CCDC134: variants seen among roughly 807,000 people sequenced by gnomAD.
The protein encoded by CCDC134 is coiled-coil domain-containing protein 134.
Under a neutral mutation model 25.6 loss-of-function variants are expected in CCDC134, and 27 were observed. That is an observed-to-expected ratio of 1.05 (90% CI 0.78 to 1.45). The LOEUF (loss-of-function observed/expected upper bound fraction) is 1.45, where lower values mean the gene tolerates loss of function less well. Among genes scored for constraint, CCDC134 ranks in the 40% most tolerant of loss-of-function variants. The probability of loss-of-function intolerance (pLI) is 0.00; values close to 1 mark genes in which losing one functional copy is unlikely to be tolerated. For missense variants in CCDC134, 261 were observed against 286.7 expected (o/e 0.91, Z 0.65); for synonymous variants, 110 against 115.0 (o/e 0.96, Z 0.28).
At chr22:41,804,864 G>A (rs183250512) in intron 1 of CCDC134, among the ~76,000 whole-genome samples, 1 of 152,332 alleles carries the variant, frequency 6.6e-6, no homozygotes, top group Non-Finnish European at 1.5e-5. Flanking sequence ...AAGGCCAGGA[G>A]TTCGAGACCA....
chr22:41,821,357 A>G (rs1023051291), intron 6 of CCDC134, among the ~76,000 whole-genome samples: 9 of 151,440 alleles, frequency 5.9e-5, no homozygotes, highest in African/African-American at 2.2e-4. Flanking sequence ...TTTAGGGTAC[A>G]TGTGCACAAT....
intron 6 of CCDC134, among the ~76,000 whole-genome samples, chr22:41,815,248 C>G (rs2076617475): frequency 6.7e-6 from 1 of 150,104 alleles, no homozygotes; most frequent in Non-Finnish European, 1.5e-5. Context: ...TTCTGTCGCC[C>G]AGGCTGGAGT....
In CCDC134 at chr22:41,810,222, C is replaced by T. The variant is rs147483140; in HGVS notation, c.241C>T (p.Arg81Trp). The T allele has an allele frequency of 7.6e-5, 122 of 1,613,896 alleles. No homozygotes were observed. The highest frequency in any genetic ancestry group is 9.2e-5 in the Non-Finnish European group (109 of 1,179,958). Residue 81 changes from arginine to tryptophan, a missense_variant, in exon 4 of 7, where the codon CGG (arginine) becomes TGG (tryptophan). Physicochemically the swap from Arg to Trp is moderately radical, Grantham distance 101. Transcript: ENST00000255784. ...KGLFKVLEDS[R>W]TVLTAADVLP... The stretch of plus-strand genomic sequence containing the variant: ...ATTCCCTCAGGTGCTGGAGGACTCC[C>T]GGACAGTGCTCACCGCTGCTGATGT...
chr22:41,806,500 A>G (rs941122511), intron 1 of CCDC134, among the ~76,000 whole-genome samples: 8 of 151,752 alleles, frequency 5.3e-5, no homozygotes, highest in Admixed American at 6.6e-5. Flanking sequence ...GATTACAGGC[A>G]TGAGCCACCA....
Position 41,813,401 on chromosome 22 carries a change from A to G in CCDC134, c.448A>G (p.Thr150Ala). 6.2e-7 allele frequency: 1 copy of G among 1,614,162 alleles called. No homozygotes were observed. The highest frequency in any genetic ancestry group is 8.5e-7 in the Non-Finnish European group (1 of 1,180,028). Reference protein sequence around the residue: ...IRWGISFCNQTGVFNQGPHSP... With the variant: ...IRWGISFCNQAGVFNQGPHSP... ...CTGGGGTATCAGTTTCTGCAACCAG[A>G]CAGGCGTCTTCAACCAGGGGCCCCA... is the stretch of plus-strand genomic sequence containing the variant. The change falls in exon 5 of 7, where the codon ACA becomes GCA. Residue 150 changes from threonine to alanine, a missense_variant. Coordinates refer to ENST00000255784, the MANE Select transcript of CCDC134 (RefSeq NM_024821.5).
chr22:41,824,675 G>A (rs1224969277), intron 6 of CCDC134, among the ~76,000 whole-genome samples: 4 of 152,142 alleles, frequency 2.6e-5, no homozygotes, highest in Non-Finnish European at 5.9e-5. Context: ...CAGGAGAATC[G>A]GTTGAACCCG....
Position 41,825,839 on chromosome 22 carries a change from G to A in CCDC134, c.*16G>A. ...TGAGTTATAGCCCTGGAGCAGCTCA[G>A]GGCTCAGGGGGCCACAAGGAGGCAG... On this transcript the variant is annotated 3_prime_UTR_variant, in exon 7 of 7. Transcript: ENST00000255784. The surrounding 1 kb of genome is among the most constrained non-coding windows in gnomAD (Gnocchi z 4.4). 1 of 1,612,974 alleles carries A rather than the reference G, an allele frequency of 6.2e-7. No homozygotes were observed. The highest frequency in any genetic ancestry group is 8.5e-7 in the Non-Finnish European group (1 of 1,179,384).
intron 4 of CCDC134, 131 bp from the exon 5 acceptor site, chr22:41,813,133 G>A (rs1239986968): frequency 1.1e-5 from 9 of 845,912 alleles, no homozygotes; most frequent in Non-Finnish European, 1.5e-5. Flanking sequence ...GGCAGCCTGT[G>A]GTCAGTAGGC....
chr22:41,819,288 T>G (rs778811959), intron 6 of CCDC134, among the ~76,000 whole-genome samples: 4 of 152,198 alleles, frequency 2.6e-5, no homozygotes, highest in Non-Finnish European at 5.9e-5. Flanking sequence ...GCTCCTCAGA[T>G]GCTCACAGTC....
chr22:41,826,772 T>G lies in CCDC134; in HGVS notation c.*949T>G, dbSNP rs1215097833. 6.6e-6 allele frequency among the ~76,000 whole-genome samples: 1 copy of G among 152,192 alleles called. No homozygotes were observed. The highest frequency in any genetic ancestry group is 1.5e-5 in the Non-Finnish European group (1 of 68,018). On this transcript the variant is annotated 3_prime_UTR_variant, in exon 7 of 7. Coordinates refer to ENST00000255784, the MANE Select transcript of CCDC134 (RefSeq NM_024821.5). ...GGGCAGGGAAGCTGCAGAGGGCATG[T>G]GGCCCTGGGTAGGGCAGCTGCCCTT...
intron 2 of CCDC134, 64 bp from the exon 3 acceptor site, chr22:41,809,815 G>T: frequency 6.2e-7 from 1 of 1,600,162 alleles, no homozygotes; most frequent in Non-Finnish European, 8.5e-7. Context: ...GCCTTCTGAG[G>T]CAAGACTGCT....
chr22:41,809,054 T>TA, intron 2 of CCDC134, 61 bp downstream of exon 2: 2 of 1,373,148 alleles, frequency 1.5e-6, no homozygotes, highest in Non-Finnish European at 2.0e-6. Flanking sequence ...GAGGTTCTTC[T>TA]ACTCAGGGAT....
chr22:41,805,905 C>G (rs2076565300), intron 1 of CCDC134, among the ~76,000 whole-genome samples: 1 of 152,078 alleles, frequency 6.6e-6, no homozygotes, highest in Non-Finnish European at 1.5e-5. Flanking sequence ...GAGTGAGACC[C>G]TGTCTCAAAA....
chr22:41,824,653 G>A (rs2076667485), intron 6 of CCDC134, among the ~76,000 whole-genome samples: 1 of 152,096 alleles, frequency 6.6e-6, no homozygotes, highest in Admixed American at 6.6e-5. Context: ...CCAGCTACTT[G>A]GGAGGCTGAG....
intron 4 of CCDC134, 121 bp downstream of exon 4, chr22:41,810,412 A>G: frequency 1.2e-6 from 1 of 857,406 alleles, no homozygotes; most frequent in Middle Eastern, 2.2e-4. Flanking sequence ...GGCACCTTCT[A>G]AGTGGTCCCC....
intron 1 of CCDC134, among the ~76,000 whole-genome samples, chr22:41,808,603 C>T (rs2076579314): frequency 1.3e-5 from 2 of 152,186 alleles, no homozygotes; most frequent in South Asian, 4.1e-4. Context: ...GGGCAGGGCT[C>T]CAGCCTAGAG....
chr22:41,818,216 G>A (rs910344517), intron 6 of CCDC134, among the ~76,000 whole-genome samples: 1 of 152,112 alleles, frequency 6.6e-6, no homozygotes, highest in African/African-American at 2.4e-5. Flanking sequence ...CATTCCTCCC[G>A]CAATTAGTTG....
intron 3 of CCDC134, 63 bp from the exon 4 acceptor site, chr22:41,810,144 G>A: frequency 6.3e-7 from 1 of 1,595,102 alleles, no homozygotes; most frequent in Non-Finnish European, 8.6e-7. Context: ...TTAAATAAAT[G>A]GGGATGGGAG....
chr22:41,813,274 CGTG>C lies in CCDC134; in HGVS notation c.326_328del (p.Val109del), dbSNP rs1277226348. On this transcript the variant is annotated inframe_deletion, in exon 5 of 7. Transcript: ENST00000255784. ...GGGTCCTCTCGCCAGCTTTCTCCCA[CGTG>C]GTGGAGAACACGGCCTTCTTCGGCG... 1.9e-6 allele frequency: 3 copies of C among 1,614,042 alleles called. No individual in the cohort carries two copies. Among genetic ancestry groups the C allele is most frequent in the Non-Finnish European group, 2.5e-6 (3 of 1,180,022 alleles).
Sources: gnomAD v4.1 joint callset for allele counts (sites outside exome capture counted in the v4.1 genomes callset) on GRCh38, gnomAD v4.1.1 for gene constraint, Gnocchi (gnomAD v3.1) non-coding constraint, MANE v1.5 for transcripts, NCBI Gene and HGNC (gene_info 2026-07-23, HGNC 2026-07-21) for gene names.